Variants in TOGARAM1 observed in about 807,000 individuals in gnomAD.
The protein encoded by TOGARAM1 is TOG array regulator of axonemal microtubules protein 1.
A neutral mutation model predicts 166.6 loss-of-function variants in TOGARAM1; 100 were observed. The ratio of observed to expected loss-of-function variants is 0.60; its 90% confidence interval spans 0.51 to 0.71. The LOEUF (loss-of-function observed/expected upper bound fraction) is 0.71, where lower values mean the gene tolerates loss of function less well. TOGARAM1 is among the 30% of genes least tolerant of loss of function. TOGARAM1 has a pLI of 0.00. For synonymous variants in TOGARAM1, 758 were observed against 763.8 expected (o/e 0.99, Z 0.13); for missense variants, 2,029 against 2,102.7 (o/e 0.96, Z 0.69).
intron 1 of TOGARAM1, among the ~76,000 whole-genome samples, chr14:44,972,791 A>G (rs1337499340): frequency 6.6e-6 from 1 of 152,144 alleles, no homozygotes; most frequent in Non-Finnish European, 1.5e-5. Flanking sequence ...TAGACAGCCT[A>G]TATAGTAATT....
intron 14 of TOGARAM1, among the ~76,000 whole-genome samples, chr14:45,048,294 G>C (rs1170761117): frequency 2.9e-5 from 3 of 103,286 alleles, no homozygotes; most frequent in Non-Finnish European, 3.5e-5. Context: ...CCAGCCTAGA[G>C]ACAGAGCAAG....
At chr14:45,045,711 A>G (rs1158768404) in intron 13 of TOGARAM1, among the ~76,000 whole-genome samples, 3 of 124,070 alleles carry the variant, frequency 2.4e-5, no homozygotes, top group East Asian at 4.4e-4. Flanking sequence ...ATGTGTATAT[A>G]TATACACATA....
At chr14:45,028,417 C>G in intron 10 of TOGARAM1, 88 bp downstream of exon 10, 1 of 1,342,946 alleles carries the variant, frequency 7.4e-7, no homozygotes, top group Non-Finnish European at 1.0e-6. Flanking sequence ...TAATATATGA[C>G]TAAGAATGAA....
intron 7 of TOGARAM1, among the ~76,000 whole-genome samples, chr14:45,021,818 T>C (rs1880531823): frequency 6.6e-6 from 1 of 152,160 alleles, no homozygotes; most frequent in Non-Finnish European, 1.5e-5. Context: ...GACAGGCTTC[T>C]TGTCATGTTT....
chr14:45,051,616 A>G (rs969651517), intron 14 of TOGARAM1, among the ~76,000 whole-genome samples: 7 of 146,520 alleles, frequency 4.8e-5, no homozygotes, highest in African/African-American at 1.0e-4. Flanking sequence ...CTGGAGTGCA[A>G]TGGTGTGATC....
intron 7 of TOGARAM1, among the ~76,000 whole-genome samples, chr14:45,021,432 G>A (rs1180557753): frequency 6.6e-6 from 1 of 152,172 alleles, no homozygotes; most frequent in Non-Finnish European, 1.5e-5. Flanking sequence ...GTGGCATGGA[G>A]GGGGTGCAGT....
chr14:44,962,943 G>A lies in TOGARAM1; in HGVS notation c.522G>A (p.Glu174=). Residue 174 remains glutamate (E), a synonymous_variant, in exon 1 of 20, where the codon GAG becomes GAA. Coordinates refer to ENST00000361462, the MANE Select transcript of TOGARAM1 (RefSeq NM_001308120.2). The part of the protein sequence containing the change: ...RGQGEAGQLE[E]AFSLALLPQL... ...AGGGGGAGGCAGGCCAGCTTGAAGA[G>A]GCCTTTAGCTTAGCACTTTTGCCTC... 7 of 1,614,214 alleles carry A rather than the reference G, an allele frequency of 4.3e-6. No individual in the cohort carries two copies. The highest frequency in any genetic ancestry group is 5.9e-6 in the Non-Finnish European group (7 of 1,180,036).
intron 18 of TOGARAM1, among the ~76,000 whole-genome samples, chr14:45,070,852 T>G (rs1883346685): frequency 6.6e-6 from 1 of 152,234 alleles, no homozygotes; most frequent in Admixed American, 6.5e-5. Flanking sequence ...TCTATTATTA[T>G]TTCAAAATTA....
chr14:45,021,669 A>G (rs1248055293), intron 7 of TOGARAM1, among the ~76,000 whole-genome samples: 1 of 151,992 alleles, frequency 6.6e-6, no homozygotes, highest in Admixed American at 6.6e-5. Context: ...CACTCCAGCC[A>G]CTTTAACCGC....
chr14:45,044,704 A>G lies in TOGARAM1; in HGVS notation c.3988A>G (p.Lys1330Glu). 6.2e-7 allele frequency: 1 copy of G among 1,613,996 alleles called. No homozygotes were observed. Among genetic ancestry groups the G allele is most frequent in the Non-Finnish European group, 8.5e-7 (1 of 1,179,984 alleles). Residue 1330 changes from lysine to glutamate, a missense_variant, in exon 13 of 20, where the codon AAA (lysine) becomes GAA (glutamate). Around this residue, in one of 2 missense-constraint regions of TOGARAM1, gnomAD observed 576 missense variants for 670.5 expected, o/e 0.86. Coordinates refer to ENST00000361462, the MANE Select transcript of TOGARAM1 (RefSeq NM_001308120.2). ...VCLSDLFTYLKKSMDQELDTT... is the reference protein window; with the variant it reads ...VCLSDLFTYLEKSMDQELDTT... Reference sequence around the variant, plus strand: ...TTTAAGTGATCTTTTCACTTATTTGAAAAAGAGCATGGATCAAGAGCTAGA... The same window carrying G: ...TTTAAGTGATCTTTTCACTTATTTGGAAAAGAGCATGGATCAAGAGCTAGA...
At chr14:44,967,788 G>A (rs1885637486) in intron 1 of TOGARAM1, among the ~76,000 whole-genome samples, 1 of 152,186 alleles carries the variant, frequency 6.6e-6, no homozygotes, top group Non-Finnish European at 1.5e-5. Flanking sequence ...ACCTCAGATG[G>A]GAGGAGGTGA....
intron 7 of TOGARAM1, among the ~76,000 whole-genome samples, chr14:45,024,971 A>G (rs1238477123): frequency 6.6e-6 from 1 of 152,166 alleles, no homozygotes; most frequent in Non-Finnish European, 1.5e-5. Flanking sequence ...CATCTAACAT[A>G]TATTTATGGA....
At chr14:45,027,874 GAA>G (rs1278893001) in intron 9 of TOGARAM1, among the ~76,000 whole-genome samples, 2 of 99,624 alleles carry the variant, frequency 2.0e-5, no homozygotes, top group Non-Finnish European at 4.5e-5. Flanking sequence ...ACTGTCTCAA[GAA>G]AAAAAAAAAA....
intron 11 of TOGARAM1, among the ~76,000 whole-genome samples, chr14:45,033,404 C>G (rs998124473): frequency 6.6e-6 from 1 of 152,154 alleles, no homozygotes; most frequent in Non-Finnish European, 1.5e-5. Context: ...AGGGCAGATG[C>G]CTCTGTTGCA....
At chr14:45,049,511 G>A (rs1200723644) in intron 14 of TOGARAM1, among the ~76,000 whole-genome samples, 2 of 151,960 alleles carry the variant, frequency 1.3e-5, no homozygotes, top group Non-Finnish European at 2.9e-5. Flanking sequence ...CGCCTGCCTC[G>A]GCCTCCCAAA....
intron 6 of TOGARAM1, 100 bp downstream of exon 6, chr14:45,009,245 A>G: frequency 1.2e-6 from 1 of 862,552 alleles, no homozygotes; most frequent in Non-Finnish European, 1.8e-6. Flanking sequence ...TTTATGTTTT[A>G]GTTTTTAAAA....
intron 10 of TOGARAM1, 88 bp downstream of exon 10, chr14:45,028,417 C>T: frequency 7.4e-7 from 1 of 1,342,946 alleles, no homozygotes; most frequent in South Asian, 1.3e-5. Flanking sequence ...TAATATATGA[C>T]TAAGAATGAA....
At chr14:45,037,047 T>C (rs1050798659) in intron 11 of TOGARAM1, among the ~76,000 whole-genome samples, 11 of 152,224 alleles carry the variant, frequency 7.2e-5, no homozygotes, top group Admixed American at 3.3e-4. Context: ...TGGGAAAGAC[T>C]GGCCCCCATG....
chr14:45,030,490 A>G (rs192414227), intron 10 of TOGARAM1, among the ~76,000 whole-genome samples: 58 of 152,272 alleles, frequency 3.8e-4, no homozygotes, highest in African/African-American at 1.3e-3. Flanking sequence ...ATAAATGATA[A>G]TAGTGCTTTT....
Sources: gnomAD v4.1 joint callset for allele counts (sites outside exome capture counted in the v4.1 genomes callset) on GRCh38, gnomAD v4.1.1 for gene constraint, gnomAD v4.1.1 regional missense constraint, MANE v1.5 for transcripts, NCBI Gene and HGNC (gene_info 2026-07-23, HGNC 2026-07-21) for gene names.